The following SLC36A3 variants were observed in gnomAD, a reference collection of about 807,000 sequenced individuals.
The protein encoded by SLC36A3 is solute carrier family 36 member 3.
Under a neutral mutation model 44.3 loss-of-function variants are expected in SLC36A3, and 35 were observed. The ratio of observed to expected loss-of-function variants is 0.79; its 90% CI spans 0.60 to 1.05. SLC36A3 has a LOEUF of 1.05. Among genes scored for constraint, SLC36A3 ranks in the 50% least tolerant of loss-of-function variants. The pLI is 0.00. For synonymous variants in SLC36A3, 211 were observed against 227.6 expected (o/e 0.93, Z 0.66); for missense variants, 540 against 578.7 (o/e 0.93, Z 0.69).
intron 1 of SLC36A3, among the ~76,000 whole-genome samples, chr5:151,299,406 G>C (rs1465364321): frequency 6.8e-6 from 1 of 146,122 alleles, no homozygotes; most frequent in Non-Finnish European, 1.5e-5. Context: ...ATATATATAT[G>C]AATTGCTATA....
Position 151,277,505 on chromosome 5 carries a change from A to G in SLC36A3, c.1301T>C (p.Met434Thr). 5 of 1,614,236 alleles carry G rather than the reference A, an allele frequency of 3.1e-6. No homozygotes were observed. The South Asian group carries it at 5.5e-5, about 18-fold the overall frequency. Reference protein sequence around the residue: ...MSCVTIAKDIMISIVGLLGCI... With the variant: ...MSCVTIAKDITISIVGLLGCI... ...CCCTAAAAGGCCCACGATGCTAATC[A>G]TGATGTCCTTGGCAATGGTGACACA... is the stretch of plus-strand genomic sequence containing the variant. The change falls in exon 10 of 10, where the codon ATG becomes ACG. Residue 434 changes from methionine (M) to threonine (T), a missense_variant. Physicochemically the swap from Met to Thr is moderately conservative, Grantham distance 81. Transcript: ENST00000335230.
chr5:151,285,766 C>A (rs890458946), intron 6 of SLC36A3, among the ~76,000 whole-genome samples: 7 of 152,126 alleles, frequency 4.6e-5, no homozygotes, highest in African/African-American at 1.7e-4. Flanking sequence ...AGGGGAAGAT[C>A]AGAGGGAAGG....
chr5:151,285,527 A>G (rs1343256493), intron 6 of SLC36A3, among the ~76,000 whole-genome samples: 1 of 152,214 alleles, frequency 6.6e-6, no homozygotes, highest in African/African-American at 2.4e-5. Context: ...TCATGAATCT[A>G]GGGGGAATGA....
At chr5:151,293,834 T>G (rs554143733) in intron 3 of SLC36A3, among the ~76,000 whole-genome samples, 3 of 152,120 alleles carry the variant, frequency 2.0e-5, no homozygotes, top group Non-Finnish European at 4.4e-5. Flanking sequence ...GCTGATGGTG[T>G]CAGAACACTC....
In SLC36A3 at chr5:151,284,567, T is replaced by C. The variant is rs754046746; in HGVS notation, c.807+46A>G. On this transcript the variant is annotated intron_variant, in intron 7 of 9. Coordinates refer to ENST00000335230, the MANE Select transcript of SLC36A3 (RefSeq NM_181774.4). ...GACATCTGCAACTACAGTTGGCCACTGTAGAGGGCGCTAGGGACCATTCGC... is the reference window on the plus strand; with the variant it reads ...GACATCTGCAACTACAGTTGGCCACCGTAGAGGGCGCTAGGGACCATTCGC... 1.3e-5 allele frequency: 19 copies of C among 1,455,414 alleles called. No homozygotes were observed. The African/African-American group carries it at 1.6e-4, about 12-fold the overall frequency. The allele number at this position is 1,455,414 out of a possible 1,614,324, so 90.2% of individuals were successfully genotyped here. A position where few individuals can be genotyped will look rare whatever the true frequency, so the allele number is the denominator to read the frequency against.
chr5:151,281,272 G>T, intron 8 of SLC36A3, 89 bp from the exon 9 acceptor site: 2 of 1,323,158 alleles, frequency 1.5e-6, no homozygotes, highest in South Asian at 1.4e-5. Context: ...GCTGGTATGG[G>T]TTGAGTATCC....
chr5:151,302,428 G>A (rs1437733177), intron 1 of SLC36A3, among the ~76,000 whole-genome samples: 1 of 152,180 alleles, frequency 6.6e-6, no homozygotes, highest in Non-Finnish European at 1.5e-5. Context: ...GCAGGGACAT[G>A]GATGGAGCCG....
intron 4 of SLC36A3, among the ~76,000 whole-genome samples, chr5:151,292,794 G>A (rs78912434): frequency 6.6e-6 from 1 of 152,212 alleles, no homozygotes; most frequent in African/African-American, 2.4e-5. Context: ...GGCCAGCCTG[G>A]CCAACATGGT....
At position 151,302,827 on chromosome 5, in the gene SLC36A3, C is replaced by A. The variant is rs371696114; in HGVS notation, c.128+400G>T. On this transcript the variant is annotated intron_variant, in intron 1 of 9. Transcript: ENST00000335230. Reference sequence around the variant, plus strand: ...AAAGGTGGAGACATGGGGTTAGCACCTTTTGTTTTCTGGATGGATGGCATG... The same window carrying A: ...AAAGGTGGAGACATGGGGTTAGCACATTTTGTTTTCTGGATGGATGGCATG... Among the ~76,000 whole-genome samples the A allele has an allele frequency of 1.6e-4, 25 of 151,930 alleles. No individual in the cohort carries two copies. The East Asian group carries it at 3.3e-3, about 20-fold the overall frequency.
In SLC36A3 at chr5:151,277,470, C is replaced by T. The variant is rs1331038251; in HGVS notation, c.1336G>A (p.Gly446Arg). 1.9e-6 allele frequency: 3 copies of T among 1,614,104 alleles called. No homozygotes were observed. The South Asian group carries it at 3.3e-5, about 18-fold the overall frequency. The change falls in exon 10 of 10, where the codon GGG becomes AGG. Residue 446 changes from glycine (G) to arginine (R), a missense_variant. By Grantham distance (125) the Gly-to-Arg change is moderately radical (BLOSUM62 -2). Transcript: ENST00000335230. The part of the protein sequence containing the change: ...SIVGLLGCIF[G>R]TYQALYELPQ... The stretch of plus-strand genomic sequence containing the variant: ...AACTCATAGAGGGCTTGGTATGTCC[C>T]AAATATACACCCTAAAAGGCCCACG...
chr5:151,286,145 T>A (rs1326376599), intron 6 of SLC36A3, among the ~76,000 whole-genome samples: 1 of 152,210 alleles, frequency 6.6e-6, no homozygotes, highest in African/African-American at 2.4e-5. Context: ...AATTACTTTA[T>A]CAATTTCCTT....
chr5:151,298,651 C>T lies in SLC36A3; in HGVS notation c.161G>A (p.Cys54Tyr), dbSNP rs2127272308. The stretch of plus-strand genomic sequence containing the variant: ...CCCCAGGAGCCCTGTGCCAATGTTG[C>T]ATTTCAACAAGTGGATCAAAGTTTG... The part of the protein sequence containing the change: ...MMQTLIHLLK[C>Y]NIGTGLLGLP... The change falls in exon 2 of 10, where the codon TGC becomes TAC. Residue 54 changes from cysteine (C) to tyrosine (Y), a missense_variant. Coordinates refer to ENST00000335230, the MANE Select transcript of SLC36A3 (RefSeq NM_181774.4). 6.2e-7 allele frequency: 1 copy of T among 1,614,182 alleles called. No homozygotes were observed. Among genetic ancestry groups the T allele is most frequent in the Non-Finnish European group, 8.5e-7 (1 of 1,180,038 alleles).
At chr5:151,277,691 T>A (rs1246059938) in intron 9 of SLC36A3, 30 bp from the exon 10 acceptor site, 1 of 1,603,908 alleles carries the variant, frequency 6.2e-7, no homozygotes, top group East Asian at 2.2e-5. Flanking sequence ...TTAGAATCAC[T>A]GAATGTGCTC....
chr5:151,299,822 A>G (rs894380927), intron 1 of SLC36A3, among the ~76,000 whole-genome samples: 2 of 152,158 alleles, frequency 1.3e-5, no homozygotes, highest in African/African-American at 4.8e-5. Context: ...AAGCTGTAAG[A>G]CTCAAAAGAG....
At chr5:151,283,180 C>G (rs1439221130) in intron 8 of SLC36A3, among the ~76,000 whole-genome samples, 1 of 152,258 alleles carries the variant, frequency 6.6e-6, no homozygotes, top group Admixed American at 6.5e-5. Flanking sequence ...GCCACTGCCC[C>G]TGGCCTTCTA....
rs750544349 is a variant in SLC36A3, at chr5:151,296,229, C to T, written c.259G>A (p.Val87Met). 7.4e-5 allele frequency: 119 copies of T among 1,613,982 alleles called. No individual in the cohort carries two copies. Among genetic ancestry groups the T allele is most frequent in the Admixed American group, 6.0e-4 (36 of 60,006 alleles). ...TTCAACAGGATGACCATGCAGTGCA[C>T]GGTGAGGACCCCGATGGCCAGAAGG... ...VSLLAIGVLTVHCMVILLNCA... is the reference protein window; with the variant it reads ...VSLLAIGVLTMHCMVILLNCA... Residue 87 changes from valine to methionine, a missense_variant, in exon 3 of 10, where the codon GTG becomes ATG. Transcript: ENST00000335230.
intron 4 of SLC36A3, among the ~76,000 whole-genome samples, chr5:151,288,715 A>T (rs1754640020): frequency 6.6e-6 from 1 of 151,178 alleles, no homozygotes; most frequent in Non-Finnish European, 1.5e-5. Context: ...TATATATATA[A>T]TATATATGTA....
intron 7 of SLC36A3, 114 bp downstream of exon 7, chr5:151,284,499 A>G: frequency 2.4e-6 from 2 of 823,046 alleles, no homozygotes. Flanking sequence ...CTTCACCAGG[A>G]GAAGATCAGA....
At position 151,284,187 on chromosome 5, in the gene SLC36A3, C is replaced by T. The variant is rs566232820; in HGVS notation, c.831G>A (p.Met277Ile). 9 of 1,607,918 alleles carry T rather than the reference C, an allele frequency of 5.6e-6. No homozygotes were observed. The East Asian group carries it at 8.9e-5, about 16-fold the overall frequency. ...CAAAAGAAAACTGCTGTGGATGCTT[C>T]ATCTGGTTTTTGAGAGGCAGAACCT... is the stretch of plus-strand genomic sequence containing the variant. ...VGMVLPLKNQ[M>I]KHPQQFSFVL... Residue 277 changes from methionine (M) to isoleucine (I), a missense_variant, in exon 8 of 10, where the codon ATG (methionine) becomes ATA (isoleucine). Met to Ile is a conservative substitution (Grantham distance 10, BLOSUM62 1). Coordinates refer to ENST00000335230, the MANE Select transcript of SLC36A3 (RefSeq NM_181774.4).
Sources: gnomAD v4.1 joint callset for allele counts (sites outside exome capture counted in the v4.1 genomes callset) on GRCh38, gnomAD v4.1.1 for gene constraint, MANE v1.5 for transcripts, NCBI Gene and HGNC (gene_info 2026-07-23, HGNC 2026-07-21) for gene names.